Variants in VWF observed in about 807,000 individuals in gnomAD.
The protein encoded by VWF is Factor VIII related antigen.
VWF carries 176 observed loss-of-function variants against 308.6 expected under a neutral mutation model. The ratio of observed to expected loss-of-function variants is 0.57; its 90% CI spans 0.50 to 0.65. The LOEUF (loss-of-function observed/expected upper bound fraction) is 0.65, where lower values mean the gene tolerates loss of function less well. VWF is among the 30% of genes least tolerant of loss of function. The pLI is 0.00. For synonymous variants in VWF, 1,385 were observed against 1,443.4 expected (o/e 0.96, Z 0.92); for missense variants, 3,146 against 3,648.2 (o/e 0.86, Z 3.55).
intron 38 of VWF, among the ~76,000 whole-genome samples, chr12:5,989,964 G>A (rs1943719685): frequency 6.6e-6 from 1 of 152,146 alleles, no homozygotes; most frequent in Admixed American, 6.5e-5. Flanking sequence ...AGGAGCTCAG[G>A]AGCTATACAA....
intron 34 of VWF, among the ~76,000 whole-genome samples, chr12:5,998,696 G>T (rs1224635408): frequency 1.3e-5 from 2 of 151,254 alleles, no homozygotes; most frequent in Non-Finnish European, 2.9e-5. Context: ...TAGAAAACAA[G>T]AAAATACCCA....
chr12:5,979,510 G>A (rs1309364628), intron 42 of VWF, among the ~76,000 whole-genome samples: 3 of 152,192 alleles, frequency 2.0e-5, no homozygotes, highest in Non-Finnish European at 4.4e-5. Flanking sequence ...CCAGCACTTT[G>A]GGAGGTCGAG....
chr12:6,057,091 G>T lies in VWF; in HGVS notation c.1730-19C>A. ...AACCTGGCTGTGGGGCGAGAGGAGC[G>T]AGCCTGGGATGTGGTGGGGAGGAGT... On this transcript the variant is annotated intron_variant, in intron 14 of 51. Coordinates refer to ENST00000261405, the MANE Select transcript of VWF (RefSeq NM_000552.5). 1 of 1,527,748 alleles carries T rather than the reference G, an allele frequency of 6.5e-7. No individual in the cohort carries two copies. The highest frequency in any genetic ancestry group is 1.2e-5 in the South Asian group (1 of 83,086). The allele number at this position is 1,527,748 out of a possible 1,614,324, so 94.6% of individuals were successfully genotyped here. A position where few individuals can be genotyped will look rare whatever the true frequency, so the allele number is the denominator to read the frequency against.
At chr12:6,006,229 A>G (rs1943925206) in intron 34 of VWF, among the ~76,000 whole-genome samples, 1 of 152,236 alleles carries the variant, frequency 6.6e-6, no homozygotes, top group South Asian at 2.1e-4. Flanking sequence ...CATGGTAACC[A>G]CAAAGAAAAT....
In VWF at chr12:6,110,759, G is replaced by A. The variant is rs1945299373; in HGVS notation, c.323+107C>T. On this transcript the variant is annotated intron_variant, in intron 4 of 51. Coordinates refer to ENST00000261405, the MANE Select transcript of VWF (RefSeq NM_000552.5). The stretch of plus-strand genomic sequence containing the variant: ...ACCCAGCCCTGCTACTCACTTCCTT[G>A]GAACATTTGCTTCCATTCTCTGGGC... 5.1e-6 allele frequency: 7 copies of A among 1,383,484 alleles called. No homozygotes were observed. In the Admixed American group the frequency reaches 6.7e-5, roughly 13 times the overall value. 85.7% of individuals were successfully genotyped at this position (1,383,484 alleles called of 1,614,324 possible).
intron 3 of VWF, among the ~76,000 whole-genome samples, chr12:6,120,871 T>C (rs1945422813): frequency 1.3e-5 from 2 of 152,044 alleles, no homozygotes; most frequent in Non-Finnish European, 2.9e-5. Flanking sequence ...AAGCACCTTC[T>C]CTAGTTCATC....
At chr12:5,964,217 A>AAAATAAATAAATAAAT (rs772755141) in intron 47 of VWF, among the ~76,000 whole-genome samples, 1,328 of 115,072 alleles carry the variant, frequency 0.012, 18 homozygotes, top group African/African-American at 0.047. Context: ...ACTCTGTCTA[A>AAAATAAATAAATAAAT]AAATACATAC....
At chr12:6,118,376 CTTTTTTTT>C (rs71064189) in intron 3 of VWF, among the ~76,000 whole-genome samples, 3 of 65,484 alleles carry the variant, frequency 4.6e-5, no homozygotes, top group African/African-American at 1.0e-4. Flanking sequence ...CCTCTGGTCA[CTTTTTTTT>C]TTTTTTTTTT....
At chr12:5,994,374 G>T (rs774276340) in intron 36 of VWF, 41 bp downstream of exon 36, 1 of 1,609,864 alleles carries the variant, frequency 6.2e-7, no homozygotes, top group Admixed American at 1.7e-5. Context: ...GTTTATAAAT[G>T]TATAGCAGGG....
intron 15 of VWF, among the ~76,000 whole-genome samples, chr12:6,054,541 C>T (rs975154365): frequency 3.9e-5 from 6 of 152,230 alleles, no homozygotes; most frequent in African/African-American, 1.4e-4. Context: ...CAATGCACAT[C>T]TCAGTTTAGC....
In VWF at chr12:6,013,480, C is replaced by T; in HGVS notation, c.5620+1G>A. The stretch of plus-strand genomic sequence containing the variant: ...AGTAAGAAAGGTATTATAAGACTCA[C>T]CAGAGCACAGTTTGTGGAGGAAGGA... On this transcript the variant is annotated splice_donor_variant, in intron 32 of 51. Coordinates refer to ENST00000261405, the MANE Select transcript of VWF (RefSeq NM_000552.5). LOFTEE classifies it high-confidence loss of function. The T allele has an allele frequency of 6.2e-7, 1 of 1,614,138 alleles. No individual in the cohort carries two copies. Among genetic ancestry groups the T allele is most frequent in the Non-Finnish European group, 8.5e-7 (1 of 1,180,020 alleles).
intron 18 of VWF, among the ~76,000 whole-genome samples, chr12:6,044,032 T>G (rs980734743): frequency 3.3e-5 from 5 of 152,192 alleles, no homozygotes; most frequent in Admixed American, 1.3e-4. Flanking sequence ...ATGGCACTCC[T>G]GTAAGCTAAG....
At chr12:5,994,777 AACAGAGCTTGACTTT>A (rs1943790871) in intron 35 of VWF, among the ~76,000 whole-genome samples, 170 bp from the exon 36 acceptor site, 1 of 152,206 alleles carries the variant, frequency 6.6e-6, no homozygotes, top group African/African-American at 2.4e-5. Context: ...TTGACTAGAA[AACAGAGCTTGACTTT>A]ACAGAGCTTG....
intron 38 of VWF, among the ~76,000 whole-genome samples, chr12:5,988,405 G>T (rs1035818455): frequency 1.3e-5 from 2 of 152,158 alleles, no homozygotes; most frequent in African/African-American, 4.8e-5. Flanking sequence ...TGGGGCAGGG[G>T]GTCGAATTGG....
intron 11 of VWF, among the ~76,000 whole-genome samples, chr12:6,064,730 T>C (rs1944692247): frequency 6.6e-6 from 1 of 152,196 alleles, no homozygotes. Context: ...TTCGTCCTCA[T>C]CTTTGCTTCC....
chr12:6,076,194 T>A (rs1944842411), intron 6 of VWF, among the ~76,000 whole-genome samples: 1 of 152,224 alleles, frequency 6.6e-6, no homozygotes, highest in African/African-American at 2.4e-5. Context: ...CGAGTATTCT[T>A]GGTTCTACCA....
chr12:6,048,748 C>T (rs942482751), intron 16 of VWF, among the ~76,000 whole-genome samples: 57 of 152,370 alleles, frequency 3.7e-4, no homozygotes, highest in African/African-American at 1.4e-3. Context: ...CAGGCGTGAG[C>T]CACCTTGCCC....
intron 5 of VWF, among the ~76,000 whole-genome samples, chr12:6,107,116 A>C (rs1318578726): frequency 6.6e-6 from 1 of 152,194 alleles, no homozygotes; most frequent in East Asian, 1.9e-4. Flanking sequence ...AATATGGATT[A>C]ACCTCTCACG....
chr12:6,075,261 G>T lies in VWF; in HGVS notation c.874+74C>A. On this transcript the variant is annotated intron_variant, in intron 7 of 51. Coordinates refer to ENST00000261405, the MANE Select transcript of VWF (RefSeq NM_000552.5). This position sits in a 1 kb window ranked among gnomAD's most constrained non-coding sequence, Gnocchi z 4.7. ...CGCACATACGTGACACAGCCCCGAA[G>T]CACCCTAAGGGACACCACCCAGGAC... is the stretch of plus-strand genomic sequence containing the variant. 7.0e-6 allele frequency: 11 copies of T among 1,582,160 alleles called. No homozygotes were observed. The highest frequency in any genetic ancestry group is 9.5e-6 in the Non-Finnish European group (11 of 1,155,650).
Sources: gnomAD v4.1 joint callset for allele counts (sites outside exome capture counted in the v4.1 genomes callset) on GRCh38, gnomAD v4.1.1 for gene constraint, Gnocchi (gnomAD v3.1) non-coding constraint, MANE v1.5 for transcripts, NCBI Gene and HGNC (gene_info 2026-07-23, HGNC 2026-07-21) for gene names.